ARHGAP24: variants seen among roughly 807,000 people sequenced by gnomAD.
The protein encoded by ARHGAP24 is Rho GTPase activating protein 24, also known as rho GTPase-activating protein 24.
A neutral mutation model predicts 76.4 loss-of-function variants in ARHGAP24; 50 were observed. The observed-to-expected ratio is 0.65, with a 90% CI of 0.52 to 0.83. The LOEUF (loss-of-function observed/expected upper bound fraction) is 0.83, where lower values mean the gene tolerates loss of function less well. ARHGAP24 is among the 40% of genes least tolerant of loss of function. The pLI is 0.00. For synonymous variants in ARHGAP24, 345 were observed against 323.3 expected (o/e 1.07, Z -0.72); for missense variants, 930 against 914.2 (o/e 1.02, Z -0.22).
At chr4:85,572,875 T>C (rs1180861420) in intron 2 of ARHGAP24, among the ~76,000 whole-genome samples, 5 of 120,242 alleles carry the variant, frequency 4.2e-5, no homozygotes, top group Admixed American at 3.9e-4. Flanking sequence ...TTTTTCTTTC[T>C]TTTTTTTTTT....
At chr4:85,663,960 G>A (rs1227329112) in intron 2 of ARHGAP24, among the ~76,000 whole-genome samples, 2 of 151,860 alleles carry the variant, frequency 1.3e-5, no homozygotes, top group African/African-American at 2.4e-5. Context: ...TGTTCATCAA[G>A]GATATTGGTC....
At chr4:85,794,401 A>C (rs1052117105) in intron 3 of ARHGAP24, among the ~76,000 whole-genome samples, 1 of 152,218 alleles carries the variant, frequency 6.6e-6, no homozygotes, top group Non-Finnish European at 1.5e-5. Context: ...GATGTGTACA[A>C]AGGGAGAAAG....
At chr4:85,733,059 A>ATTTTTT (rs1560606971) in intron 3 of ARHGAP24, among the ~76,000 whole-genome samples, 3 of 35,772 alleles carry the variant, frequency 8.4e-5, no homozygotes, top group Admixed American at 3.9e-4. Flanking sequence ...GGCCTCACCA[A>ATTTTTT]CTTTTTTTTT....
chr4:85,750,485 C>CTTTTTTTTT (rs60635375), intron 3 of ARHGAP24, among the ~76,000 whole-genome samples: 4 of 61,640 alleles, frequency 6.5e-5, no homozygotes, highest in African/African-American at 2.7e-4. Context: ...CTTTTCATTC[C>CTTTTTTTTT]TTTTTTTTTT....
At chr4:85,716,229 T>G (rs918179776) in intron 2 of ARHGAP24, among the ~76,000 whole-genome samples, 2 of 152,140 alleles carry the variant, frequency 1.3e-5, no homozygotes. Context: ...CTTGTGGTTT[T>G]GGCTCAGTGA....
intron 2 of ARHGAP24, among the ~76,000 whole-genome samples, chr4:85,683,508 T>C (rs192966045): frequency 6.6e-6 from 1 of 152,362 alleles, no homozygotes; most frequent in East Asian, 1.9e-4. Flanking sequence ...TAATTTATGA[T>C]AAAAACATGC....
chr4:85,661,464 A>C (rs1722382484), intron 2 of ARHGAP24, among the ~76,000 whole-genome samples: 1 of 152,160 alleles, frequency 6.6e-6, no homozygotes, highest in African/African-American at 2.4e-5. Context: ...TTTCAAAAAC[A>C]ATAAGGTATG....
At chr4:85,582,064 A>G (rs2109972796) in intron 2 of ARHGAP24, among the ~76,000 whole-genome samples, 1 of 152,296 alleles carries the variant, frequency 6.6e-6, no homozygotes, top group East Asian at 1.9e-4. Context: ...AATTCTTTCA[A>G]TGAGCTAATA....
chr4:85,674,587 G>A (rs1722911779), intron 2 of ARHGAP24, among the ~76,000 whole-genome samples: 1 of 152,112 alleles, frequency 6.6e-6, no homozygotes, highest in Admixed American at 6.6e-5. Flanking sequence ...CACACAGTTA[G>A]TAAGCAGAGA....
intron 1 of ARHGAP24, among the ~76,000 whole-genome samples, chr4:85,528,897 C>G (rs949961901): frequency 2.6e-5 from 4 of 151,802 alleles, no homozygotes; most frequent in African/African-American, 9.7e-5. Flanking sequence ...GTTGGTGTCT[C>G]AGACAAATAC....
chr4:85,976,734 G>T (rs346477), intron 7 of ARHGAP24, among the ~76,000 whole-genome samples: 99,111 of 150,652 alleles, frequency 0.66, 33,854 homozygotes, highest in African/African-American at 0.84. Context: ...TGCAATTTTT[G>T]GTATCATTAG....
chr4:85,930,610 G>A (rs1736275809), intron 4 of ARHGAP24: 1 of 1,060,636 alleles, frequency 9.4e-7, no homozygotes, highest in African/African-American at 1.7e-5. Flanking sequence ...CTGTTTGAAT[G>A]GGAATGGTAG....
At chr4:85,910,494 A>G (rs1345241727) in intron 3 of ARHGAP24, among the ~76,000 whole-genome samples, 1 of 152,164 alleles carries the variant, frequency 6.6e-6, no homozygotes, top group Non-Finnish European at 1.5e-5. Context: ...TCCTTTCCAC[A>G]GTCAGGGTGT....
chr4:85,878,310 G>C (rs1296828794), intron 3 of ARHGAP24, among the ~76,000 whole-genome samples: 3 of 152,092 alleles, frequency 2.0e-5, no homozygotes, highest in Non-Finnish European at 4.4e-5. Context: ...AGAATGTTGT[G>C]AATACCCCAT....
chr4:85,535,948 A>C (rs1725452132), intron 1 of ARHGAP24, among the ~76,000 whole-genome samples: 2 of 152,144 alleles, frequency 1.3e-5, no homozygotes, highest in African/African-American at 4.8e-5. Context: ...TAGTATCCCT[A>C]GTTGTTGATT....
chr4:85,496,410 G>A (rs1723586026), intron 1 of ARHGAP24, among the ~76,000 whole-genome samples: 1 of 152,220 alleles, frequency 6.6e-6, no homozygotes, highest in Non-Finnish European at 1.5e-5. Flanking sequence ...TATGTGCACA[G>A]GAATCCTTGC....
chr4:85,632,215 T>G (rs766677734), intron 2 of ARHGAP24, among the ~76,000 whole-genome samples: 1 of 152,022 alleles, frequency 6.6e-6, no homozygotes, highest in Non-Finnish European at 1.5e-5. Context: ...TGTTCTCTGA[T>G]CTCTATATAG....
chr4:85,663,162 C>G (rs1356871622), intron 2 of ARHGAP24, among the ~76,000 whole-genome samples: 1 of 151,048 alleles, frequency 6.6e-6, no homozygotes, highest in African/African-American at 2.4e-5. Context: ...ATGGAATGTT[C>G]TTCCATTTGT....
At chr4:85,860,676 GT>G (rs1731840692) in intron 3 of ARHGAP24, among the ~76,000 whole-genome samples, 1 of 151,890 alleles carries the variant, frequency 6.6e-6, no homozygotes. Context: ...TGTACCCCAG[GT>G]GCAATACAAA....
Sources: gnomAD v4.1 joint callset for allele counts (sites outside exome capture counted in the v4.1 genomes callset) on GRCh38, gnomAD v4.1.1 for gene constraint, MANE v1.5 for transcripts, NCBI Gene and HGNC (gene_info 2026-07-23, HGNC 2026-07-21) for gene names.